TMEM117: variants seen among roughly 807,000 people sequenced by gnomAD.
TMEM117 encodes the protein transmembrane protein 117.
Under a neutral mutation model 52.4 loss-of-function variants are expected in TMEM117, and 27 were observed. That is an observed-to-expected ratio of 0.51 (90% CI 0.38 to 0.71). TMEM117 has a LOEUF of 0.71. Among genes scored for constraint, TMEM117 ranks in the 30% least tolerant of loss-of-function variants. The probability of loss-of-function intolerance (pLI) is 0.00; values close to 1 mark genes in which losing one functional copy is unlikely to be tolerated. For missense variants in TMEM117, 556 were observed against 630.5 expected, an observed-to-expected ratio of 0.88 and a Z score of 1.26; for synonymous variants, 215 against 206.3, an observed-to-expected ratio of 1.04 and a Z score of -0.36.
chr12:44,283,970 G>A (rs1405768108), intron 5 of TMEM117, among the ~76,000 whole-genome samples: 1 of 152,142 alleles, frequency 6.6e-6, no homozygotes, highest in Non-Finnish European at 1.5e-5. Flanking sequence ...GTGTTTATCA[G>A]GGTTTCCACT....
At chr12:44,332,995 A>G (rs968553025) in intron 6 of TMEM117, among the ~76,000 whole-genome samples, 1 of 152,078 alleles carries the variant, frequency 6.6e-6, no homozygotes, top group East Asian at 1.9e-4. Context: ...GTCTTTGTAC[A>G]TTGACAGTTT....
chr12:43,991,437 T>TTATCTATCTATCTATCTATC (rs58794606), intron 3 of TMEM117, among the ~76,000 whole-genome samples: 2 of 150,066 alleles, frequency 1.3e-5, no homozygotes, highest in African/African-American at 4.9e-5. Context: ...ATATTTATTG[T>TTATCTATCTATCTATCTATC]TATCTATCTA....
chr12:43,806,570 G>C, the TMEM117 span, among the ~76,000 whole-genome samples: 5 of 152,130 alleles, frequency 3.3e-5, no homozygotes, highest in African/African-American at 1.2e-4. Context: ...TCCGACGTCT[G>C]CTCTCTGACA....
intron 3 of TMEM117, among the ~76,000 whole-genome samples, chr12:44,048,995 G>A (rs1419102963): frequency 6.6e-6 from 1 of 152,142 alleles, no homozygotes; most frequent in African/African-American, 2.4e-5. Flanking sequence ...TGTCTGAAAT[G>A]TTGGATAATT....
intron 3 of TMEM117, among the ~76,000 whole-genome samples, chr12:44,098,503 C>A (rs1947811051): frequency 6.6e-6 from 1 of 151,990 alleles, no homozygotes; most frequent in South Asian, 2.1e-4. Flanking sequence ...AGAATGAATA[C>A]CAGAGTCAAG....
At chr12:43,828,853 C>T in the TMEM117 span, among the ~76,000 whole-genome samples, 1 of 152,178 alleles carries the variant, frequency 6.6e-6, no homozygotes, top group South Asian at 2.1e-4. Context: ...GTCTTTCCCT[C>T]CTTTCTTTCC....
At chr12:43,984,384 A>ACAG (rs1335807937) in intron 3 of TMEM117, among the ~76,000 whole-genome samples, 1 of 151,588 alleles carries the variant, frequency 6.6e-6, no homozygotes, top group Non-Finnish European at 1.5e-5. Context: ...AACAACAACA[A>ACAG]CAACAACAAC....
At chr12:44,251,983 T>A (rs1205174147) in intron 5 of TMEM117, among the ~76,000 whole-genome samples, 1 of 151,364 alleles carries the variant, frequency 6.6e-6, no homozygotes, top group African/African-American at 2.4e-5. Flanking sequence ...AAGAAAAAAA[T>A]TGCGTACTTC....
intron 3 of TMEM117, among the ~76,000 whole-genome samples, chr12:44,007,079 T>G (rs1235094717): frequency 6.6e-6 from 1 of 152,186 alleles, no homozygotes; most frequent in Non-Finnish European, 1.5e-5. Context: ...GGGTAGTGCA[T>G]GTACCTTATA....
At chr12:44,371,393 T>C (rs939905034) in intron 6 of TMEM117, among the ~76,000 whole-genome samples, 3 of 152,194 alleles carry the variant, frequency 2.0e-5, no homozygotes, top group Non-Finnish European at 4.4e-5. Context: ...AATTATTACA[T>C]TGAAAAACTG....
intron 6 of TMEM117, among the ~76,000 whole-genome samples, chr12:44,338,712 A>G (rs995914801): frequency 6.6e-6 from 1 of 152,098 alleles, no homozygotes; most frequent in Non-Finnish European, 1.5e-5. Context: ...ATACACACAC[A>G]TATTCAAAAA....
the TMEM117 span, among the ~76,000 whole-genome samples, chr12:43,803,451 T>C: frequency 6.6e-6 from 1 of 152,222 alleles, no homozygotes; most frequent in Admixed American, 6.5e-5. Context: ...CAGTTATTAA[T>C]AAAGGGGAGA....
At chr12:44,209,330 A>G (rs946868130) in intron 4 of TMEM117, among the ~76,000 whole-genome samples, 4 of 152,110 alleles carry the variant, frequency 2.6e-5, no homozygotes, top group African/African-American at 9.7e-5. Flanking sequence ...TCCTTTTGAT[A>G]AGTATCATGA....
At chr12:43,807,762 A>G in the TMEM117 span, among the ~76,000 whole-genome samples, 3 of 152,160 alleles carry the variant, frequency 2.0e-5, no homozygotes, top group South Asian at 6.2e-4. Context: ...AGCCACCAGA[A>G]AGTGCTTATT....
At chr12:44,065,731 TGG>T (rs1401574390) in intron 3 of TMEM117, among the ~76,000 whole-genome samples, 2 of 152,164 alleles carry the variant, frequency 1.3e-5, no homozygotes, top group Non-Finnish European at 2.9e-5. Flanking sequence ...TGAGTTCATA[TGG>T]TGAGCAGCAG....
chr12:44,043,775 A>G (rs1443150920), intron 3 of TMEM117, among the ~76,000 whole-genome samples: 7 of 152,162 alleles, frequency 4.6e-5, no homozygotes, highest in Non-Finnish European at 1.5e-5. Context: ...CTTGAAAATA[A>G]CTGTTTGAGT....
intron 2 of TMEM117, among the ~76,000 whole-genome samples, chr12:43,867,405 G>T (rs1241734437): frequency 1.3e-5 from 2 of 152,134 alleles, no homozygotes; most frequent in Admixed American, 6.5e-5. Flanking sequence ...CCAAAAGAAG[G>T]CAGGAAAAGA....
intron 3 of TMEM117, among the ~76,000 whole-genome samples, chr12:44,108,441 T>C (rs1199661242): frequency 2.1e-5 from 2 of 96,372 alleles, no homozygotes; most frequent in African/African-American, 8.7e-5. Context: ...CACCTATGAG[T>C]GAGAATATGC....
chr12:44,090,839 G>GTTT (rs1264179472), intron 3 of TMEM117, among the ~76,000 whole-genome samples: 2,210 of 104,470 alleles, frequency 0.021, 315 homozygotes, highest in African/African-American at 0.079. Context: ...GTATTTATGT[G>GTTT]TTTTTTTTTG....
Sources: allele counts gnomAD v4.1 joint callset (sites outside exome capture counted in the v4.1 genomes callset), GRCh38; gene constraint gnomAD v4.1.1; transcripts MANE v1.5; gene names NCBI Gene and HGNC (gene_info 2026-07-23, HGNC 2026-07-21).